The following SYNE2 variants were observed in gnomAD, a reference collection of about 807,000 sequenced individuals.
The protein encoded by SYNE2 is spectrin repeat containing nuclear envelope protein 2.
Under a neutral mutation model 856.3 loss-of-function variants are expected in SYNE2, and 431 were observed. The ratio of observed to expected loss-of-function variants is 0.50; its 90% CI spans 0.47 to 0.55. The LOEUF (loss-of-function observed/expected upper bound fraction) is 0.55, where lower values mean the gene tolerates loss of function less well. Ranked by LOEUF, SYNE2 falls within the 20% of genes least tolerant of loss-of-function variation. SYNE2 has a pLI of 0.00. For synonymous variants in SYNE2, 2,923 were observed against 2,872.3 expected, an observed-to-expected ratio of 1.02 and a Z score of -0.56; for missense variants, 8,129 against 8,023.2, an observed-to-expected ratio of 1.01 and a Z score of -0.50.
chr14:64,090,238 CTTCTGTGAGCCCAA>C (rs1451162182), intron 59 of SYNE2, among the ~76,000 whole-genome samples: 8 of 152,172 alleles, frequency 5.3e-5, no homozygotes, highest in African/African-American at 1.7e-4. Flanking sequence ...GATCTTCTAA[CTTCTGTGAGCCCAA>C]TTTCCTCACC....
At chr14:64,079,678 C>T (rs2097502654) in intron 55 of SYNE2, among the ~76,000 whole-genome samples, 1 of 152,326 alleles carries the variant, frequency 6.6e-6, no homozygotes, top group South Asian at 2.1e-4. Flanking sequence ...TCTGCCTCTG[C>T]ATTCATCCCA....
At position 64,016,583 on chromosome 14, in the gene SYNE2, G is replaced by T. The variant is rs751067571; in HGVS notation, c.4839G>T (p.Glu1613Asp). The change falls in exon 33 of 116, where the codon GAG becomes GAT. Residue 1613 changes from glutamate to aspartate, a missense_variant. By Grantham distance (45) the Glu-to-Asp change is conservative (BLOSUM62 2). Transcript: ENST00000555002. ...FYLNKMKTFE[E>D]PPFEKEANII... Reference sequence around the variant, plus strand: ...TAAATAAAATGAAAACTTTTGAAGAGCCCCCTTTTGAAAAAGAGGCTAATA... The same window carrying T: ...TAAATAAAATGAAAACTTTTGAAGATCCCCCTTTTGAAAAAGAGGCTAATA... 6.2e-7 allele frequency: 1 copy of T among 1,602,562 alleles called. No homozygotes were observed.
chr14:64,070,638 G>T lies in SYNE2; in HGVS notation c.10432-7G>T, dbSNP rs749169072. Reference sequence around the variant, plus strand: ...CTTATTTTAGTTCTTTTTGTTTTTTGAATTAGATTGAACGAGAGGCAATTA... The same window carrying T: ...CTTATTTTAGTTCTTTTTGTTTTTTTAATTAGATTGAACGAGAGGCAATTA... On this transcript the variant is annotated splice_polypyrimidine_tract_variant and splice_region_variant and intron_variant, in intron 51 of 115. Coordinates refer to ENST00000555002, the MANE Select transcript of SYNE2 (RefSeq NM_182914.3). 1.2e-6 allele frequency: 2 copies of T among 1,608,556 alleles called. No homozygotes were observed. The highest frequency in any genetic ancestry group is 1.1e-5 in the South Asian group (1 of 90,034).
chr14:64,078,543 T>A lies in SYNE2; in HGVS notation c.11100T>A (p.His3700Gln). The A allele has an allele frequency of 6.2e-7, 1 of 1,614,142 alleles. No homozygotes were observed. The highest frequency in any genetic ancestry group is 8.5e-7 in the Non-Finnish European group (1 of 1,179,978). ...RKIEEINNGLHNVEKMLQQKS... is the reference protein window; with the variant it reads ...RKIEEINNGLQNVEKMLQQKS... ...TAGAAGAAATTAACAATGGGCTTCA[T>A]AATGTTGAAAAGATGTTGCAGCAGA... The change falls in exon 55 of 116, where the codon CAT becomes CAA. Residue 3700 changes from histidine to glutamine, a missense_variant. By Grantham distance (24) the His-to-Gln change is conservative. This residue lies in a region of SYNE2 where 5,410 missense variants were observed against 5,284.8 expected (regional missense o/e 1.02). Transcript: ENST00000555002.
In SYNE2 at chr14:64,021,965, G is replaced by A; in HGVS notation, c.5461G>A (p.Val1821Ile). The change falls in exon 37 of 116, where the codon GTC becomes ATC. Residue 1821 changes from valine to isoleucine, a missense_variant. By Grantham distance (29) the Val-to-Ile change is conservative. Transcript: ENST00000555002. ...LSELKKQYES[V>I]SDLFNTKKSV... is the part of the protein sequence containing the mutation. ...TGAATTGAAAAAGCAATATGAAAGT[G>A]TCAGTGATTTATTTAATACCAAAAA... The A allele has an allele frequency of 1.2e-6, 2 of 1,613,830 alleles. No individual in the cohort carries two copies. Among genetic ancestry groups the A allele is most frequent in the Non-Finnish European group, 1.7e-6 (2 of 1,179,844 alleles).
chr14:63,806,239 G>A (rs139820814), intron 1 of SYNE2, among the ~76,000 whole-genome samples: 306 of 152,236 alleles, frequency 2.0e-3, no homozygotes, highest in South Asian at 3.1e-3. Context: ...TGAGATGATC[G>A]TGTGGTTTTT....
At chr14:64,013,640 A>G (rs17093516) in intron 32 of SYNE2, among the ~76,000 whole-genome samples, 9,408 of 152,228 alleles carry the variant, frequency 0.062, 363 homozygotes, top group Admixed American at 0.096. Context: ...TGTGTGGACA[A>G]ACATTTATTG....
rs756385776 is a variant in SYNE2 at position 63,980,721 on chromosome 14, A to G, written c.1637A>G (p.Tyr546Cys). 1.2e-5 allele frequency: 19 copies of G among 1,601,140 alleles called. No homozygotes were observed. Among genetic ancestry groups the G allele is most frequent in the Non-Finnish European group, 1.5e-5 (17 of 1,168,628 alleles). ...TCTTTTCAAAAATGTGGAGAAATTT[A>G]TAAGAATTTGGGTAAAGTGGTTCAG... ...DTSFQKCGEI[Y>C]KNLAGECQNI... Residue 546 changes from tyrosine (Y) to cysteine (C), a missense_variant, in exon 15 of 116, where the codon TAT (tyrosine) becomes TGT (cysteine). Tyr to Cys is a radical substitution (Grantham distance 194). Coordinates refer to ENST00000555002, the MANE Select transcript of SYNE2 (RefSeq NM_182914.3).
chr14:63,939,485 C>T (rs1315064584), intron 2 of SYNE2, among the ~76,000 whole-genome samples: 1 of 151,628 alleles, frequency 6.6e-6, no homozygotes, highest in East Asian at 1.9e-4. Flanking sequence ...GTAGCTGGGA[C>T]TACAGGCGTG....
Position 64,093,340 on chromosome 14 carries a change from A to T in SYNE2, c.11977-9A>T, listed in dbSNP as rs985681393. On this transcript the variant is annotated splice_polypyrimidine_tract_variant and intron_variant, in intron 60 of 115. Coordinates refer to ENST00000555002, the MANE Select transcript of SYNE2 (RefSeq NM_182914.3). Reference sequence around the variant, plus strand: ...ACAAAGATTCTTTTTTGTGGGGGTTATTTTATAGGTAGTCATAAAACAGAC... The same window carrying T: ...ACAAAGATTCTTTTTTGTGGGGGTTTTTTTATAGGTAGTCATAAAACAGAC... 6.2e-7 allele frequency: 1 copy of T among 1,613,512 alleles called. No homozygotes were observed. Among genetic ancestry groups the T allele is most frequent in the Non-Finnish European group, 8.5e-7 (1 of 1,179,574 alleles).
At chr14:63,893,556 C>A (rs916612924) in intron 1 of SYNE2, among the ~76,000 whole-genome samples, 1 of 152,014 alleles carries the variant, frequency 6.6e-6, no homozygotes, top group Non-Finnish European at 1.5e-5. Context: ...AGAGCAAGTC[C>A]CTGTCTCAAA....
At chr14:64,032,765 G>T (rs1361279744) in intron 45 of SYNE2, among the ~76,000 whole-genome samples, 1 of 152,128 alleles carries the variant, frequency 6.6e-6, no homozygotes, top group Non-Finnish European at 1.5e-5. Flanking sequence ...AGAAGATGGG[G>T]TTTCTCTAAT....
intron 1 of SYNE2, among the ~76,000 whole-genome samples, chr14:63,827,994 A>G (rs892483764): frequency 6.7e-6 from 1 of 148,474 alleles, no homozygotes; most frequent in Non-Finnish European, 1.5e-5. Flanking sequence ...AGTGTTTGAG[A>G]CCAGCCTGGG....
At chr14:64,173,809 T>C (rs1006783011) in intron 94 of SYNE2, 5 of 558,250 alleles carry the variant, frequency 9.0e-6, no homozygotes, top group Admixed American at 3.5e-5. Flanking sequence ...ATTTTTCCTC[T>C]AAAACCAAAT....
At chr14:64,146,292 G>C in intron 84 of SYNE2, 69 bp downstream of exon 84, 1 of 1,425,338 alleles carries the variant, frequency 7.0e-7, no homozygotes, top group Non-Finnish European at 9.4e-7. Flanking sequence ...CTTGCCCCGA[G>C]GATAAGTTGC....
At chr14:64,188,816 T>C (rs1467354134) in intron 98 of SYNE2, 108 bp downstream of exon 98, 16 of 1,213,028 alleles carry the variant, frequency 1.3e-5, no homozygotes, top group Non-Finnish European at 1.3e-5. Flanking sequence ...TCCAGTAGCA[T>C]TTTAGAAATT....
At chr14:63,933,147 C>T (rs148592653) in intron 2 of SYNE2, among the ~76,000 whole-genome samples, 5 of 152,266 alleles carry the variant, frequency 3.3e-5, no homozygotes, top group African/African-American at 1.2e-4. Flanking sequence ...GGTCGCAAGG[C>T]TTCCTCATAG....
intron 1 of SYNE2, among the ~76,000 whole-genome samples, chr14:63,798,145 T>A (rs1887991690): frequency 6.6e-6 from 1 of 152,138 alleles, no homozygotes; most frequent in Non-Finnish European, 1.5e-5. Flanking sequence ...GCTCAAGCAG[T>A]CATCCCATCT....
rs767605722 is a variant in SYNE2, at chr14:64,029,922, G to T, written c.6742G>T (p.Val2248Phe). ...QDSVQNLDGH[V>F]REHDSYQVCV... ...TTCTGTGCAAAACTTGGACGGTCACGTTCGAGAACATGATTCATACCAGGT... is the reference window on the plus strand; with the variant it reads ...TTCTGTGCAAAACTTGGACGGTCACTTTCGAGAACATGATTCATACCAGGT... The change falls in exon 44 of 116, where the codon GTT (valine) becomes TTT (phenylalanine). Residue 2248 changes from valine (V) to phenylalanine (F), a missense_variant. Physicochemically the swap from Val to Phe is conservative, Grantham distance 50. Coordinates refer to ENST00000555002, the MANE Select transcript of SYNE2 (RefSeq NM_182914.3). 1 of 1,613,798 alleles carries T rather than the reference G, an allele frequency of 6.2e-7. No individual in the cohort carries two copies. The highest frequency in any genetic ancestry group is 1.3e-5 in the African/African-American group (1 of 74,892).
Sources: allele counts gnomAD v4.1 joint callset (sites outside exome capture counted in the v4.1 genomes callset), GRCh38; gene constraint gnomAD v4.1.1; regional missense constraint gnomAD v4.1.1; transcripts MANE v1.5; gene names NCBI Gene and HGNC (gene_info 2026-07-23, HGNC 2026-07-21).